SLC16A10: variants seen among roughly 807,000 people sequenced by gnomAD.
The protein encoded by SLC16A10 is monocarboxylate transporter 10.
Under a neutral mutation model 40.0 loss-of-function variants are expected in SLC16A10, and 27 were observed. That is an observed-to-expected ratio of 0.67 (90% CI 0.50 to 0.93). SLC16A10 has a LOEUF of 0.93. Ranked by LOEUF, SLC16A10 falls within the 40% of genes least tolerant of loss-of-function variation. The pLI is 0.00. For synonymous variants in SLC16A10, 213 were observed against 249.8 expected (o/e 0.85, Z 1.39); for missense variants, 529 against 658.2 (o/e 0.80, Z 2.15).
In SLC16A10 at chr6:111,226,729, A is replaced by G. The variant is rs1771001025; in HGVS notation, c.*4494A>G. 1 of 152,244 alleles carries G rather than the reference A, an allele frequency of 6.6e-6. No individual in the cohort carries two copies. Among genetic ancestry groups the G allele is most frequent in the Non-Finnish European group, 1.5e-5 (1 of 68,038 alleles). The allele number at this position is 152,244 out of a possible 1,614,324, so 9.4% of individuals were successfully genotyped here. A position where few individuals can be genotyped will look rare whatever the true frequency, so the allele number is the denominator to read the frequency against. On this transcript the variant is annotated 3_prime_UTR_variant, in exon 6 of 6. Transcript: ENST00000368851. The stretch of plus-strand genomic sequence containing the variant: ...AACAATTTAATTAACTCTTAAAAAG[A>G]CCAGCTTTTTGTCTTGTTATGAAAA...
chr6:111,122,882 T>C (rs1303638488), intron 1 of SLC16A10, among the ~76,000 whole-genome samples: 1 of 152,224 alleles, frequency 6.6e-6, no homozygotes, highest in East Asian at 1.9e-4. Context: ...TGACAGTCAC[T>C]CATCCCCTGG....
intron 1 of SLC16A10, among the ~76,000 whole-genome samples, chr6:111,126,414 T>C (rs1228258123): frequency 6.6e-6 from 1 of 152,198 alleles, no homozygotes; most frequent in African/African-American, 2.4e-5. Context: ...TTCATGCTTG[T>C]ACAGTTGCAG....
intron 1 of SLC16A10, among the ~76,000 whole-genome samples, chr6:111,162,599 A>T (rs996848211): frequency 1.3e-5 from 2 of 152,238 alleles, no homozygotes; most frequent in Non-Finnish European, 2.9e-5. Context: ...CTGTTGCAAA[A>T]GAAAATGGAT....
intron 3 of SLC16A10, among the ~76,000 whole-genome samples, chr6:111,204,905 G>A (rs1717766511): frequency 6.6e-6 from 1 of 151,978 alleles, no homozygotes; most frequent in Non-Finnish European, 1.5e-5. Context: ...ATTTCGCTGA[G>A]CCCTTAGACA....
chr6:111,174,781 G>A (rs1290851047), intron 2 of SLC16A10, among the ~76,000 whole-genome samples: 3 of 152,122 alleles, frequency 2.0e-5, no homozygotes, highest in Non-Finnish European at 4.4e-5. Context: ...CTGAGAGGTA[G>A]ACAACTTATG....
Position 111,222,353 on chromosome 6 carries a change from T to A in SLC16A10, c.*118T>A. 7.6e-7 allele frequency: 1 copy of A among 1,316,814 alleles called. No individual in the cohort carries two copies. Among genetic ancestry groups the A allele is most frequent in the Non-Finnish European group, 1.0e-6 (1 of 1,001,828 alleles). The allele number at this position is 1,316,814 out of a possible 1,614,324, so 81.6% of individuals were successfully genotyped here. On this transcript the variant is annotated 3_prime_UTR_variant, in exon 6 of 6. Transcript: ENST00000368851. ...TAATCACATCCTAGGAATAGCACAATAATTGGGAAATAGAACCCTTATCAC... is the reference window on the plus strand; with the variant it reads ...TAATCACATCCTAGGAATAGCACAAAAATTGGGAAATAGAACCCTTATCAC...
chr6:111,166,435 TC>T (rs1479515410), intron 1 of SLC16A10, among the ~76,000 whole-genome samples: 1 of 136,314 alleles, frequency 7.3e-6, no homozygotes, highest in Non-Finnish European at 1.7e-5. Flanking sequence ...ACCACTTTAT[TC>T]CAATGCCACA....
chr6:111,146,129 A>G (rs1330881788), intron 1 of SLC16A10, among the ~76,000 whole-genome samples: 1 of 152,266 alleles, frequency 6.6e-6, no homozygotes, highest in Non-Finnish European at 1.5e-5. Context: ...CAAGTAACAC[A>G]ATTTAAAAAT....
At chr6:111,174,015 C>T (rs1401949495) in intron 2 of SLC16A10, among the ~76,000 whole-genome samples, 4 of 152,144 alleles carry the variant, frequency 2.6e-5, no homozygotes, top group East Asian at 1.9e-4. Flanking sequence ...CTGTAAGGAA[C>T]GGATGGGCAC....
chr6:111,169,422 A>AG (rs1401569009), intron 1 of SLC16A10, among the ~76,000 whole-genome samples: 2 of 152,254 alleles, frequency 1.3e-5, no homozygotes, highest in African/African-American at 4.8e-5. Flanking sequence ...AAAAAGAATT[A>AG]GCTTCAAACA....
chr6:111,157,115 C>T (rs1772284650), intron 1 of SLC16A10, among the ~76,000 whole-genome samples: 1 of 151,800 alleles, frequency 6.6e-6, no homozygotes, highest in African/African-American at 2.4e-5. Context: ...GATGGGGTTT[C>T]ACCATGTTGG....
At chr6:111,164,765 A>G (rs963587972) in intron 1 of SLC16A10, among the ~76,000 whole-genome samples, 1 of 152,214 alleles carries the variant, frequency 6.6e-6, no homozygotes, top group Non-Finnish European at 1.5e-5. Context: ...AAAAAACAAA[A>G]AAGAGAAAAA....
At chr6:111,218,522 T>A (rs1770823762) in intron 4 of SLC16A10, among the ~76,000 whole-genome samples, 1 of 152,154 alleles carries the variant, frequency 6.6e-6, no homozygotes. Flanking sequence ...GAGGTTGTAA[T>A]GAGCTGAGAT....
At chr6:111,175,233 G>A (rs1211974713) in intron 2 of SLC16A10, among the ~76,000 whole-genome samples, 3 of 152,122 alleles carry the variant, frequency 2.0e-5, no homozygotes, top group African/African-American at 7.2e-5. Context: ...CATTTACATT[G>A]CACTTATTTG....
chr6:111,094,871 C>A (rs1242237614), intron 1 of SLC16A10, among the ~76,000 whole-genome samples: 1 of 152,154 alleles, frequency 6.6e-6, no homozygotes, highest in Non-Finnish European at 1.5e-5. Context: ...GAACTCCTGG[C>A]CTCAAGCGAC....
At chr6:111,114,008 A>G (rs1771439186) in intron 1 of SLC16A10, among the ~76,000 whole-genome samples, 1 of 152,184 alleles carries the variant, frequency 6.6e-6, no homozygotes, top group African/African-American at 2.4e-5. Context: ...TGAGTCATCA[A>G]ATTTAGTTAT....
At chr6:111,151,393 T>TC (rs1167434765) in intron 1 of SLC16A10, among the ~76,000 whole-genome samples, 1 of 152,158 alleles carries the variant, frequency 6.6e-6, no homozygotes, top group Non-Finnish European at 1.5e-5. Context: ...GCCAACCTAT[T>TC]GCCACTCCCT....
intron 1 of SLC16A10, among the ~76,000 whole-genome samples, chr6:111,134,804 C>T (rs1771848350): frequency 6.6e-6 from 1 of 152,348 alleles, no homozygotes; most frequent in East Asian, 1.9e-4. Context: ...TCAGAAGCCA[C>T]TAACCAGATG....
intron 4 of SLC16A10, among the ~76,000 whole-genome samples, chr6:111,208,167 C>G (rs755957565): frequency 6.6e-6 from 1 of 151,590 alleles, no homozygotes; most frequent in Non-Finnish European, 1.5e-5. Context: ...TCTGTAGTAA[C>G]AGGGTTTCGC....
Sources: gnomAD v4.1 joint callset for allele counts (sites outside exome capture counted in the v4.1 genomes callset) on GRCh38, gnomAD v4.1.1 for gene constraint, MANE v1.5 for transcripts, NCBI Gene and HGNC (gene_info 2026-07-23, HGNC 2026-07-21) for gene names.